CNTN5: variants seen among roughly 807,000 people sequenced by gnomAD.
The protein encoded by CNTN5 is contactin-5.
A neutral mutation model predicts 129.1 loss-of-function variants in CNTN5; 77 were observed. The observed-to-expected ratio is 0.60, with a 90% confidence interval of 0.50 to 0.72. CNTN5 has a LOEUF of 0.72. Ranked by LOEUF, CNTN5 falls within the 30% of genes least tolerant of loss-of-function variation. The pLI is 0.00. For missense variants in CNTN5, 1,478 were observed against 1,328.8 expected (o/e 1.11, Z -1.75); for synonymous variants, 509 against 465.6 (o/e 1.09, Z -1.20).
At chr11:99,681,823 T>C (rs756744839) in intron 3 of CNTN5, among the ~76,000 whole-genome samples, 9 of 151,972 alleles carry the variant, frequency 5.9e-5, no homozygotes, top group Non-Finnish European at 1.3e-4. Context: ...AACGATTAAC[T>C]CCAAAACATA....
intron 18 of CNTN5, among the ~76,000 whole-genome samples, chr11:100,277,706 T>A (rs477989): frequency 1.7e-3 from 257 of 152,266 alleles, no homozygotes; most frequent in Non-Finnish European, 2.2e-3. Context: ...TCTTTATATA[T>A]TCTGTTTATC....
intron 2 of CNTN5, among the ~76,000 whole-genome samples, chr11:99,434,758 A>G (rs1943535200): frequency 3.3e-5 from 5 of 152,172 alleles, no homozygotes. Flanking sequence ...ATATTTCTGT[A>G]TAACAGGTGC....
At chr11:100,018,243 A>G (rs559809146) in intron 9 of CNTN5, among the ~76,000 whole-genome samples, 3 of 152,074 alleles carry the variant, frequency 2.0e-5, no homozygotes, top group South Asian at 2.1e-4. Context: ...CACAATCCAC[A>G]TAATAAGCAT....
At chr11:99,177,686 T>C (rs1857845430) in intron 1 of CNTN5, among the ~76,000 whole-genome samples, 1 of 152,096 alleles carries the variant, frequency 6.6e-6, no homozygotes, top group Non-Finnish European at 1.5e-5. Flanking sequence ...ATGTGTAGCC[T>C]ATACAGAGAG....
intron 15 of CNTN5, among the ~76,000 whole-genome samples, chr11:100,220,134 G>A (rs909789227): frequency 9.9e-5 from 15 of 151,936 alleles, no homozygotes; most frequent in Non-Finnish European, 1.3e-4. Context: ...AAAATTAGCC[G>A]GGCGTGGTGG....
At chr11:100,038,876 T>C (rs2137662080) in intron 9 of CNTN5, among the ~76,000 whole-genome samples, 1 of 152,296 alleles carries the variant, frequency 6.6e-6, no homozygotes, top group Non-Finnish European at 1.5e-5. Flanking sequence ...GCACGTGAGG[T>C]GGGTTTCCTG....
intron 7 of CNTN5, among the ~76,000 whole-genome samples, chr11:99,935,355 A>C (rs1409808969): frequency 6.6e-6 from 1 of 152,042 alleles, no homozygotes. Context: ...TACATGCCTT[A>C]GGACCTTAGA....
At chr11:99,329,994 T>G (rs1865937075) in intron 2 of CNTN5, among the ~76,000 whole-genome samples, 1 of 150,202 alleles carries the variant, frequency 6.7e-6, no homozygotes, top group Non-Finnish European at 1.5e-5. Context: ...TGAAAAGTGT[T>G]TAGCAGATGG....
At position 100,078,109 on chromosome 11, in the gene CNTN5, G is replaced by C. The variant is rs1464872356; in HGVS notation, c.1580+3815G>C. Reference sequence around the variant, plus strand: ...GGTTATAGTTCGTCATTTGTCAACAGAGTGCCAAATAACCATTTGGCTCAT... The same window carrying C: ...GGTTATAGTTCGTCATTTGTCAACACAGTGCCAAATAACCATTTGGCTCAT... On this transcript the variant is annotated intron_variant, in intron 13 of 24. Coordinates refer to ENST00000524871, the MANE Select transcript of CNTN5 (RefSeq NM_014361.4). Among the ~76,000 whole-genome samples the C allele has an allele frequency of 2.0e-5, 3 of 152,070 alleles. No homozygotes were observed. The South Asian group carries it at 6.2e-4, about 32-fold the overall frequency.
chr11:100,011,341 G>T (rs979922270), intron 9 of CNTN5, among the ~76,000 whole-genome samples: 2 of 152,008 alleles, frequency 1.3e-5, no homozygotes, highest in African/African-American at 4.8e-5. Flanking sequence ...GGCAAACAGG[G>T]TTACTCTGTA....
chr11:99,974,789 A>C (rs529208142), intron 8 of CNTN5, among the ~76,000 whole-genome samples: 5 of 152,222 alleles, frequency 3.3e-5, no homozygotes, highest in African/African-American at 1.2e-4. Context: ...AGTAGAGTCT[A>C]CTTAATATTA....
intron 1 of CNTN5, among the ~76,000 whole-genome samples, chr11:99,065,454 C>G (rs7111391): frequency 6.6e-6 from 1 of 152,120 alleles, no homozygotes; most frequent in Non-Finnish European, 1.5e-5. Context: ...CTCCAAACAC[C>G]AGTGAATCTT....
At chr11:99,676,329 C>T (rs1362347773) in intron 3 of CNTN5, among the ~76,000 whole-genome samples, 2 of 152,082 alleles carry the variant, frequency 1.3e-5, no homozygotes, top group African/African-American at 4.8e-5. Flanking sequence ...AAAACGAAAA[C>T]ATTAAGTATC....
intron 4 of CNTN5, among the ~76,000 whole-genome samples, chr11:99,836,663 T>G (rs1947317735): frequency 6.6e-6 from 1 of 152,140 alleles, no homozygotes; most frequent in African/African-American, 2.4e-5. Context: ...TACCCAGTAA[T>G]GGGATGGCTG....
intron 2 of CNTN5, among the ~76,000 whole-genome samples, chr11:99,492,527 G>C (rs1046647420): frequency 6.6e-6 from 1 of 152,084 alleles, no homozygotes; most frequent in African/African-American, 2.4e-5. Context: ...GGTGATTAGT[G>C]CTATAGCGCT....
At chr11:99,665,658 T>C (rs1242209730) in intron 3 of CNTN5, among the ~76,000 whole-genome samples, 2 of 151,636 alleles carry the variant, frequency 1.3e-5, no homozygotes, top group African/African-American at 4.8e-5. Flanking sequence ...GGCTAATTTT[T>C]GTATTTTTAG....
intron 21 of CNTN5, among the ~76,000 whole-genome samples, chr11:100,312,352 C>G (rs554705562): frequency 6.6e-6 from 1 of 152,060 alleles, no homozygotes; most frequent in East Asian, 1.9e-4. Flanking sequence ...TCTCTCTTTT[C>G]CTCTCTTTTC....
At chr11:99,824,465 T>C (rs1014965162) in intron 4 of CNTN5, among the ~76,000 whole-genome samples, 6 of 152,028 alleles carry the variant, frequency 3.9e-5, no homozygotes, top group African/African-American at 1.4e-4. Context: ...TTTACTTACA[T>C]TTAACTGTAG....
At chr11:99,480,538 T>C (rs191023148) in intron 2 of CNTN5, among the ~76,000 whole-genome samples, 1 of 152,338 alleles carries the variant, frequency 6.6e-6, no homozygotes, top group Non-Finnish European at 1.5e-5. Context: ...ATGAACATCA[T>C]ATAAACATTT....
Sources: allele counts gnomAD v4.1 joint callset (sites outside exome capture counted in the v4.1 genomes callset), GRCh38; gene constraint gnomAD v4.1.1; transcripts MANE v1.5; gene names NCBI Gene and HGNC (gene_info 2026-07-23, HGNC 2026-07-21).